Variants in FBRSL1 observed in about 807,000 individuals in gnomAD.
FBRSL1 encodes the protein fibrosin like 1.
FBRSL1 carries 51 observed loss-of-function variants against 89.6 expected under a neutral mutation model. The observed-to-expected ratio is 0.57, with a 90% confidence interval of 0.45 to 0.72. FBRSL1 has a LOEUF of 0.72. Ranked by LOEUF, FBRSL1 falls within the 30% of genes least tolerant of loss-of-function variation. The pLI, the probability that FBRSL1 is intolerant of heterozygous loss-of-function variation, is 0.00. For synonymous variants in FBRSL1, 779 were observed against 681.1 expected (o/e 1.14, Z -2.24); for missense variants, 1,618 against 1,451.8 (o/e 1.11, Z -1.86).
chr12:132,548,158 G>A (rs2037856478), intron 5 of FBRSL1, 126 bp downstream of exon 5: 6 of 1,167,020 alleles, frequency 5.1e-6, no homozygotes, highest in Non-Finnish European at 7.3e-6. Context: ...CCCCCGCCCG[G>A]TGGGTGCAGG....
intron 5 of FBRSL1, among the ~76,000 whole-genome samples, chr12:132,558,220 C>T (rs960943201): frequency 9.9e-5 from 15 of 152,228 alleles, no homozygotes; most frequent in African/African-American, 2.9e-4. Context: ...TCAAATGGAG[C>T]GGCCCCATCC....
chr12:132,561,529 T>A (rs12579512), intron 5 of FBRSL1, among the ~76,000 whole-genome samples: 62,780 of 151,958 alleles, frequency 0.41, 13,946 homozygotes, highest in East Asian at 0.85. Flanking sequence ...CCTTTTGGGT[T>A]GGCCGTCAAA....
intron 2 of FBRSL1, chr12:132,510,626 A>T: frequency 8.1e-7 from 1 of 1,229,884 alleles, no homozygotes; most frequent in Non-Finnish European, 1.0e-6. Context: ...AGGCTCGGCC[A>T]GAGGCGGGAG....
chr12:132,547,991 C>T lies in FBRSL1; in HGVS notation c.616-12C>T. ...GGGGCCCCGACTCACTTCTGTCTCT[C>T]TGTCCCTGCAGTGTGACAGCGAGAG... On this transcript the variant is annotated splice_polypyrimidine_tract_variant and intron_variant, in intron 4 of 18. Transcript: ENST00000680143. 6.5e-7 allele frequency: 1 copy of T among 1,549,994 alleles called. No individual in the cohort carries two copies. The highest frequency in any genetic ancestry group is 1.2e-5 in the South Asian group (1 of 83,996).
rs189501163 is a variant in FBRSL1, at chr12:132,573,853, C to T, written c.1531-237C>T. ...TCGGCCCTGGTGGCAAGTGGCTCCCCGGGGAGGGTCGCCCACCTTCCCTGG... is the reference window on the plus strand; with the variant it reads ...TCGGCCCTGGTGGCAAGTGGCTCCCTGGGGAGGGTCGCCCACCTTCCCTGG... On this transcript the variant is annotated intron_variant, in intron 11 of 18. Transcript: ENST00000680143. 3.6e-3 allele frequency among the ~76,000 whole-genome samples: 550 copies of T among 152,276 alleles called. 3 individuals carry two copies. Among genetic ancestry groups the T allele is most frequent in the African/African-American group, 0.012 (511 of 41,566 alleles).
intron 17 of FBRSL1, 52 bp from the exon 18 acceptor site, chr12:132,582,010 T>TGGCTGGGGAGC: frequency 3.4e-6 from 5 of 1,450,182 alleles, no homozygotes; most frequent in Non-Finnish European, 3.7e-6. Flanking sequence ...TCCTGGGGAG[T>TGGCTGGGGAGC]GGCTGGGGAG....
intron 5 of FBRSL1, among the ~76,000 whole-genome samples, chr12:132,549,204 G>A (rs528953926): frequency 3.8e-4 from 58 of 152,330 alleles, no homozygotes; most frequent in Non-Finnish European, 7.1e-4. Flanking sequence ...CGTGTGGGCC[G>A]CAGTGCCGGG....
intron 2 of FBRSL1, among the ~76,000 whole-genome samples, chr12:132,522,252 A>C (rs2035424316): frequency 2.0e-5 from 3 of 151,982 alleles, no homozygotes; most frequent in African/African-American, 7.3e-5. Context: ...GCCAGGCCGC[A>C]CCTGAGCCCC....
chr12:132,521,102 T>C (rs2035310348), intron 2 of FBRSL1, among the ~76,000 whole-genome samples: 1 of 152,234 alleles, frequency 6.6e-6, no homozygotes, highest in African/African-American at 2.4e-5. Flanking sequence ...GTCTCAAGTC[T>C]GGACCCATGA....
intron 2 of FBRSL1, among the ~76,000 whole-genome samples, chr12:132,523,580 T>C (rs1015518630): frequency 6.6e-6 from 1 of 152,170 alleles, no homozygotes; most frequent in African/African-American, 2.4e-5. Flanking sequence ...CCCACCTCCC[T>C]TCCCATCGGC....
intron 4 of FBRSL1, among the ~76,000 whole-genome samples, chr12:132,533,122 C>T (rs1175167096): frequency 6.6e-6 from 1 of 151,268 alleles, no homozygotes; most frequent in Non-Finnish European, 1.5e-5. Flanking sequence ...CAGAGAGCTG[C>T]AGTCTCCTCC....
intron 6 of FBRSL1, among the ~76,000 whole-genome samples, 194 bp from the exon 7 acceptor site, chr12:132,569,732 C>T (rs566611039): frequency 4.4e-4 from 67 of 152,168 alleles, no homozygotes; most frequent in Non-Finnish European, 7.9e-4. Context: ...CTCCCTCCGC[C>T]GGGCGGGGCC....
chr12:132,500,268 G>A (rs539400695), intron 1 of FBRSL1, among the ~76,000 whole-genome samples: 12 of 152,290 alleles, frequency 7.9e-5, no homozygotes, highest in Non-Finnish European at 1.3e-4. Context: ...AGGGAGCAGA[G>A]CAGCCGAGTG....
chr12:132,561,294 G>T (rs1159227288), intron 5 of FBRSL1, among the ~76,000 whole-genome samples: 1 of 152,232 alleles, frequency 6.6e-6, no homozygotes, highest in African/African-American at 2.4e-5. Flanking sequence ...CGCGCGGCCC[G>T]TGCGGAAGAC....
rs999699961 is a variant in FBRSL1, at chr12:132,509,025, G to A, written c.489+675G>A. ...CCTTCCTTCCAGGGTGGGGCTCTGCGCGGTGTCCTCGGCTCTCCTCGGCCC... is the reference window on the plus strand; with the variant it reads ...CCTTCCTTCCAGGGTGGGGCTCTGCACGGTGTCCTCGGCTCTCCTCGGCCC... On this transcript the variant is annotated intron_variant, in intron 2 of 18. Coordinates refer to ENST00000680143, the MANE Select transcript of FBRSL1 (RefSeq NM_001367871.1). 1.1e-5 allele frequency: 13 copies of A among 1,173,796 alleles called. 1 individual carries two copies. The South Asian group carries it at 1.3e-4, about 12-fold the overall frequency. 72.7% of individuals were successfully genotyped at this position (1,173,796 alleles called of 1,614,324 possible). A position where few individuals can be genotyped will look rare whatever the true frequency, so the allele number is the denominator to read the frequency against.
chr12:132,583,074 C>G lies in FBRSL1; in HGVS notation c.2305C>G (p.Arg769Gly). ...LLLRAQSELG[R>G]SGAPAEREAE... The stretch of plus-strand genomic sequence containing the variant: ...GCTCCGGGCCCAGAGCGAGCTGGGC[C>G]GGTCCGGGGCCCCCGCGGAGCGCGA... The change falls in exon 19 of 19, where the codon CGG becomes GGG. Residue 769 changes from arginine (R) to glycine (G), a missense_variant. Physicochemically the swap from Arg to Gly is moderately radical, Grantham distance 125. Transcript: ENST00000680143. 1 of 1,443,618 alleles carries G rather than the reference C, an allele frequency of 6.9e-7. No individual in the cohort carries two copies. Among genetic ancestry groups the G allele is most frequent in the Non-Finnish European group, 9.1e-7 (1 of 1,103,230 alleles). The allele number at this position is 1,443,618 out of a possible 1,614,324, so 89.4% of individuals were successfully genotyped here. A position where few individuals can be genotyped will look rare whatever the true frequency, so the allele number is the denominator to read the frequency against.
chr12:132,563,009 A>ACGCCTGGCCCC (rs2039269931), intron 5 of FBRSL1, among the ~76,000 whole-genome samples: 2 of 136,088 alleles, frequency 1.5e-5, no homozygotes, highest in African/African-American at 2.8e-5. Flanking sequence ...CCTGCACCCC[A>ACGCCTGGCCCC]CACCTGGCCC....
At chr12:132,574,179 G>A (rs1053214089) in intron 12 of FBRSL1, 21 bp downstream of exon 12, 33 of 1,426,428 alleles carry the variant, frequency 2.3e-5, no homozygotes, top group East Asian at 7.7e-5. Flanking sequence ...GTGGGCGCCC[G>A]TCCCCACCCC....
chr12:132,511,434 C>T, intron 2 of FBRSL1: 3 of 986,006 alleles, frequency 3.0e-6, no homozygotes, highest in African/African-American at 1.7e-5. Flanking sequence ...CAGGTGTTGC[C>T]ACCCCCTCAG....
Sources: gnomAD v4.1 joint callset for allele counts (sites outside exome capture counted in the v4.1 genomes callset) on GRCh38, gnomAD v4.1.1 for gene constraint, MANE v1.5 for transcripts, NCBI Gene and HGNC (gene_info 2026-07-23, HGNC 2026-07-21) for gene names.